Variants in ANK2 observed in about 807,000 individuals in gnomAD.
ANK2 encodes the protein ankyrin 2.
A neutral mutation model predicts 360.5 loss-of-function variants in ANK2; 83 were observed. That is an observed-to-expected ratio of 0.23 (90% CI 0.19 to 0.28). The LOEUF is 0.28. Ranked by LOEUF, ANK2 falls within the 10% of genes least tolerant of loss-of-function variation. ANK2 has a pLI of 1.00. For synonymous variants in ANK2, 1,740 were observed against 1,759.5 expected (o/e 0.99, Z 0.28); for missense variants, 4,201 against 4,795.7 (o/e 0.88, Z 3.66).
intron 1 of ANK2, among the ~76,000 whole-genome samples, chr4:113,115,966 G>A (rs970759815): frequency 6.6e-6 from 1 of 152,098 alleles, no homozygotes; most frequent in Non-Finnish European, 1.5e-5. Context: ...ACAATATAGT[G>A]GTATGATTCT....
intron 1 of ANK2, among the ~76,000 whole-genome samples, chr4:113,124,105 C>T (rs533540276): frequency 1.3e-5 from 2 of 152,268 alleles, no homozygotes; most frequent in Admixed American, 1.3e-4. Flanking sequence ...TAAGCTCAAA[C>T]AGGTGGAGAA....
At chr4:113,063,176 C>G (rs983556874) in intron 1 of ANK2, among the ~76,000 whole-genome samples, 1 of 151,972 alleles carries the variant, frequency 6.6e-6, no homozygotes, top group Non-Finnish European at 1.5e-5. Context: ...CAAATATTCT[C>G]TTTGGGTGTT....
chr4:113,261,516 A>T (rs562946949), intron 13 of ANK2, among the ~76,000 whole-genome samples: 2 of 152,330 alleles, frequency 1.3e-5, no homozygotes, highest in South Asian at 2.1e-4. Flanking sequence ...CAATCAAGAC[A>T]TGGAAATTAT....
intron 1 of ANK2, among the ~76,000 whole-genome samples, chr4:113,132,795 G>A (rs1432928097): frequency 6.6e-6 from 1 of 152,134 alleles, no homozygotes; most frequent in African/African-American, 2.4e-5. Context: ...GGGAATTCCA[G>A]CAGCCATCTA....
At position 113,383,188 on chromosome 4, in the gene ANK2, T is replaced by C. The variant is rs2097197800; in HGVS notation, c.*1717T>C. The C allele has an allele frequency of 6.6e-6, 1 of 152,650 alleles. No homozygotes were observed. Among genetic ancestry groups the C allele is most frequent in the Non-Finnish European group, 1.5e-5 (1 of 68,038 alleles). 9.5% of individuals were successfully genotyped at this position (152,650 alleles called of 1,614,324 possible). On this transcript the variant is annotated 3_prime_UTR_variant, in exon 46 of 46. Transcript: ENST00000357077. ...TTCCTGTTGTGCAAAAATGACTCAT[T>C]GCTCCGAATGTCAAAAACAAATGCG...
rs554274508 is a variant in ANK2, at chr4:113,254,495, C to T, written c.991-1240C>T. 1.1e-4 allele frequency among the ~76,000 whole-genome samples: 17 copies of T among 152,318 alleles called. No homozygotes were observed. In the South Asian group the frequency reaches 1.7e-3, roughly 15 times the overall value. ...GAAACATGCAACACTCCAGTCCAAACGTCATCAAGCCTTGAATTTCTTCTA... is the reference window on the plus strand; with the variant it reads ...GAAACATGCAACACTCCAGTCCAAATGTCATCAAGCCTTGAATTTCTTCTA... On this transcript the variant is annotated intron_variant, in intron 10 of 45. Transcript: ENST00000357077.
intron 44 of ANK2, 55 bp from the exon 45 acceptor site, chr4:113,373,230 C>G (rs2154073988): frequency 1.2e-6 from 2 of 1,612,406 alleles, no homozygotes; most frequent in Non-Finnish European, 1.7e-6. Context: ...TAAAATTTAT[C>G]AATTCCATGG....
At chr4:113,180,926 T>C (rs2098396718) in intron 2 of ANK2, among the ~76,000 whole-genome samples, 1 of 152,212 alleles carries the variant, frequency 6.6e-6, no homozygotes. Flanking sequence ...TTCTGTGCCA[T>C]CCTGTAATCT....
chr4:112,752,471 G>GC, the ANK2 span, among the ~76,000 whole-genome samples: 1 of 152,002 alleles, frequency 6.6e-6, no homozygotes, highest in Non-Finnish European at 1.5e-5. Context: ...GAGTGCAACA[G>GC]CAGAATCCTG....
At chr4:112,909,648 G>A (rs972018036) in intron 2 of ANK2, among the ~76,000 whole-genome samples, 2 of 152,146 alleles carry the variant, frequency 1.3e-5, no homozygotes, top group Non-Finnish European at 2.9e-5. Context: ...ATAAACCAAA[G>A]TAGCACGGAT....
At chr4:112,788,828 A>T in the ANK2 span, 2 of 1,007,290 alleles carry the variant, frequency 2.0e-6, no homozygotes, top group Admixed American at 3.5e-5. Flanking sequence ...TCTTCACGAC[A>T]GCAGGGGCCG....
the ANK2 span, among the ~76,000 whole-genome samples, chr4:112,789,503 T>G: frequency 6.6e-6 from 1 of 152,168 alleles, no homozygotes; most frequent in African/African-American, 2.4e-5. Context: ...AAAAAAGAAT[T>G]TTTTAACAGG....
At chr4:113,006,666 A>G (rs1263125070) in intron 2 of ANK2, among the ~76,000 whole-genome samples, 1 of 152,236 alleles carries the variant, frequency 6.6e-6, no homozygotes, top group Non-Finnish European at 1.5e-5. Context: ...AATTTTACAT[A>G]TTATTTAATT....
chr4:113,240,356 C>G (rs2039101831), intron 7 of ANK2, 129 bp from the exon 8 acceptor site: 2 of 716,306 alleles, frequency 2.8e-6, no homozygotes. Context: ...GATTTAAGAT[C>G]TTACTAAAGC....
At chr4:112,787,998 T>C in the ANK2 span, 1 of 703,462 alleles carries the variant, frequency 1.4e-6, no homozygotes, top group Non-Finnish European at 2.5e-6. Context: ...AGGACACATA[T>C]TATGTATTAC....
At chr4:112,885,242 T>TG (rs1191091209) in intron 1 of ANK2, among the ~76,000 whole-genome samples, 8 of 152,198 alleles carry the variant, frequency 5.3e-5, no homozygotes, top group Non-Finnish European at 4.4e-5. Flanking sequence ...GGTTCACGCC[T>TG]GTAATCCCAG....
intron 2 of ANK2, among the ~76,000 whole-genome samples, chr4:113,044,076 A>G (rs1231323029): frequency 6.6e-6 from 1 of 152,162 alleles, no homozygotes; most frequent in Non-Finnish European, 1.5e-5. Flanking sequence ...TCGTTCACAT[A>G]ACAGACATCC....
At chr4:113,367,148 G>A (rs753460613) in intron 41 of ANK2, among the ~76,000 whole-genome samples, 2 of 152,150 alleles carry the variant, frequency 1.3e-5, no homozygotes, top group South Asian at 4.2e-4. Flanking sequence ...TTTTCAGTAT[G>A]TATTAGCTAT....
intron 1 of ANK2, among the ~76,000 whole-genome samples, chr4:113,091,304 A>G (rs749463279): frequency 6.6e-6 from 1 of 152,240 alleles, no homozygotes; most frequent in South Asian, 2.1e-4. Context: ...GACAATAATT[A>G]TAATCCCAAA....
Sources: allele counts gnomAD v4.1 joint callset (sites outside exome capture counted in the v4.1 genomes callset), GRCh38; gene constraint gnomAD v4.1.1; transcripts MANE v1.5; gene names NCBI Gene and HGNC (gene_info 2026-07-23, HGNC 2026-07-21).